PAK1: variants seen among roughly 807,000 people sequenced by gnomAD.
PAK1 encodes the protein p21 (RAC1) activated kinase 1, also known as serine/threonine-protein kinase PAK 1.
PAK1 carries 29 observed loss-of-function variants against 67.4 expected under a neutral mutation model. That is an observed-to-expected ratio of 0.43 (90% CI 0.32 to 0.59). The LOEUF is 0.59. PAK1 is among the 20% of genes least tolerant of loss of function. PAK1 has a pLI of 0.07. For missense variants in PAK1, 337 were observed against 670.7 expected, an observed-to-expected ratio of 0.50 and a Z score of 5.50; for synonymous variants, 223 against 237.4, an observed-to-expected ratio of 0.94 and a Z score of 0.56.
intron 1 of PAK1, among the ~76,000 whole-genome samples, chr11:77,467,594 CAAAAT>C (rs908097538): frequency 6.6e-6 from 1 of 152,086 alleles, no homozygotes; most frequent in Non-Finnish European, 1.5e-5. Context: ...ATAAACCTTT[CAAAAT>C]AGAGATGCCA....
chr11:77,377,258 C>CA (rs1949212184), intron 4 of PAK1, among the ~76,000 whole-genome samples: 1 of 152,078 alleles, frequency 6.6e-6, no homozygotes, highest in Admixed American at 6.5e-5. Context: ...AAAAGAATCA[C>CA]ATGAGGTAAT....
chr11:77,450,154 T>C (rs1287067644), intron 1 of PAK1, among the ~76,000 whole-genome samples: 2 of 152,326 alleles, frequency 1.3e-5, no homozygotes, highest in East Asian at 1.9e-4. Context: ...ATCCACAGTA[T>C]ATATGCTCAG....
chr11:77,422,789 A>G (rs1176236828), intron 1 of PAK1, among the ~76,000 whole-genome samples: 1 of 152,198 alleles, frequency 6.6e-6, no homozygotes, highest in Non-Finnish European at 1.5e-5. Flanking sequence ...ATAAAATAGA[A>G]CACAGGCAGA....
chr11:77,398,669 C>A (rs190446888), intron 1 of PAK1, among the ~76,000 whole-genome samples: 162 of 152,318 alleles, frequency 1.1e-3, no homozygotes, highest in Admixed American at 9.9e-3. Context: ...CTTCAATATA[C>A]CAATTTCCTT....
chr11:77,433,001 GATCA>G lies in PAK1; in HGVS notation c.-21-40464_-21-40461del, dbSNP rs930235030. Among the ~76,000 whole-genome samples the G allele has an allele frequency of 2.6e-5, 4 of 152,322 alleles. No homozygotes were observed. In the East Asian group the frequency reaches 7.7e-4, roughly 29 times the overall value. Reference sequence around the variant, plus strand: ...GTATTGGCATAAGAATAAAGATACAGATCAATTAAATGGAACTGAGAGTCAAGAA... The same window carrying G: ...GTATTGGCATAAGAATAAAGATACAGATTAAATGGAACTGAGAGTCAAGAA... On this transcript the variant is annotated intron_variant, in intron 1 of 14. Transcript: ENST00000356341.
At chr11:77,433,992 T>C (rs1955987993) in intron 1 of PAK1, among the ~76,000 whole-genome samples, 1 of 151,886 alleles carries the variant, frequency 6.6e-6, no homozygotes, top group South Asian at 2.1e-4. Flanking sequence ...TAGTAACAAG[T>C]ATTTACAAGG....
At chr11:77,377,869 T>G (rs768908296) in intron 4 of PAK1, among the ~76,000 whole-genome samples, 1 of 152,066 alleles carries the variant, frequency 6.6e-6, no homozygotes, top group Non-Finnish European at 1.5e-5. Context: ...TCCAGCCCAA[T>G]TCCTCCTTGA....
chr11:77,455,735 T>C (rs145477132), intron 1 of PAK1: 1 of 152,224 alleles, frequency 6.6e-6, no homozygotes, highest in Non-Finnish European at 1.5e-5. Flanking sequence ...TACTATCATA[T>C]TCCCATGACA....
chr11:77,388,385 G>C (rs974153028), intron 2 of PAK1, among the ~76,000 whole-genome samples: 1 of 152,128 alleles, frequency 6.6e-6, no homozygotes, highest in Non-Finnish European at 1.5e-5. Context: ...ACGGAGTCTC[G>C]CTCTGTCGCC....
At chr11:77,381,604 G>A (rs1949842752) in intron 2 of PAK1, among the ~76,000 whole-genome samples, 1 of 152,188 alleles carries the variant, frequency 6.6e-6, no homozygotes, top group Non-Finnish European at 1.5e-5. Flanking sequence ...AACTTGCCAT[G>A]TATACAAACC....
At chr11:77,406,071 C>G (rs6592720) in intron 1 of PAK1, among the ~76,000 whole-genome samples, 3,079 of 152,294 alleles carry the variant, frequency 0.02, 99 homozygotes, top group African/African-American at 0.071. Context: ...CAGAATCCTC[C>G]TTCTCCAGCT....
At chr11:77,352,224 C>G (rs1235802337) in intron 8 of PAK1, among the ~76,000 whole-genome samples, 1 of 152,138 alleles carries the variant, frequency 6.6e-6, no homozygotes, top group African/African-American at 2.4e-5. Context: ...CTACATCCTC[C>G]TCCCAGAAAT....
At chr11:77,399,683 C>T (rs1479053564) in intron 1 of PAK1, among the ~76,000 whole-genome samples, 1 of 150,888 alleles carries the variant, frequency 6.6e-6, no homozygotes, top group Non-Finnish European at 1.5e-5. Flanking sequence ...AACGGTGAAA[C>T]CCCGTCTCTA....
At chr11:77,397,790 T>G (rs139850268) in intron 1 of PAK1, among the ~76,000 whole-genome samples, 121 of 152,316 alleles carry the variant, frequency 7.9e-4, no homozygotes, top group African/African-American at 2.8e-3. Flanking sequence ...AGCCAAAGGC[T>G]TCTTTGGAAG....
intron 2 of PAK1, among the ~76,000 whole-genome samples, chr11:77,391,319 T>C (rs778540564): frequency 6.6e-6 from 1 of 152,230 alleles, no homozygotes; most frequent in Non-Finnish European, 1.5e-5. Flanking sequence ...AAATACCTTC[T>C]GTGTGGAAGG....
At chr11:77,323,439 T>A (rs1938851345) in intron 14 of PAK1, 79 bp from the exon 15 acceptor site, 1 of 957,642 alleles carries the variant, frequency 1.0e-6, no homozygotes, top group Non-Finnish European at 1.7e-6. Context: ...CATAAAGGCA[T>A]CTTTGTTTGT....
Position 77,355,846 on chromosome 11 carries a change from C to G in PAK1, c.598-4G>C. ...CAATCACAGACCGTGTGTATACCTGCATTATTAGTGCAAAATTTTGGCAAG... is the reference window on the plus strand; with the variant it reads ...CAATCACAGACCGTGTGTATACCTGGATTATTAGTGCAAAATTTTGGCAAG... On this transcript the variant is annotated splice_region_variant and splice_polypyrimidine_tract_variant and intron_variant, in intron 6 of 14. Coordinates refer to ENST00000356341, the MANE Select transcript of PAK1 (RefSeq NM_002576.5). The G allele has an allele frequency of 1.2e-6, 2 of 1,612,198 alleles. No homozygotes were observed. The highest frequency in any genetic ancestry group is 8.5e-7 in the Non-Finnish European group (1 of 1,178,784).
the PAK1 span, among the ~76,000 whole-genome samples, chr11:77,489,378 C>G: frequency 4.0e-5 from 6 of 148,928 alleles, no homozygotes; most frequent in African/African-American, 1.2e-4. Context: ...TCTCTCCTAT[C>G]TCCCCTCCCT....
chr11:77,358,996 T>C lies in PAK1; in HGVS notation c.499A>G (p.Thr167Ala). 6.2e-7 allele frequency: 1 copy of C among 1,613,082 alleles called. No individual in the cohort carries two copies. The highest frequency in any genetic ancestry group is 8.5e-7 in the Non-Finnish European group (1 of 1,179,472). Residue 167 changes from threonine (T) to alanine (A), a missense_variant, in exon 6 of 15, where the codon ACT becomes GCT. Thr to Ala is a moderately conservative substitution (Grantham distance 58). Coordinates refer to ENST00000356341, the MANE Select transcript of PAK1 (RefSeq NM_002576.5). Reference sequence around the variant, plus strand: ...TCTGAAACTGGTGGCACTGCAGGAGTCTCAGACACAGCCTTCACATTCTGT... The same window carrying C: ...TCTGAAACTGGTGGCACTGCAGGAGCCTCAGACACAGCCTTCACATTCTGT... Reference protein sequence around the residue: ...NALNVKAVSETPAVPPVSEDE... With the variant: ...NALNVKAVSEAPAVPPVSEDE...
Sources: allele counts gnomAD v4.1 joint callset (sites outside exome capture counted in the v4.1 genomes callset), GRCh38; gene constraint gnomAD v4.1.1; transcripts MANE v1.5; gene names NCBI Gene and HGNC (gene_info 2026-07-23, HGNC 2026-07-21).